The following MAST2 variants were observed in gnomAD, a reference collection of about 807,000 sequenced individuals.
MAST2 encodes the protein microtubule-associated serine/threonine-protein kinase 2.
A neutral mutation model predicts 147.4 loss-of-function variants in MAST2; 70 were observed. The observed-to-expected ratio is 0.47, with a 90% CI of 0.39 to 0.58. The LOEUF is 0.58. MAST2 is among the 20% of genes least tolerant of loss of function. MAST2 has a pLI of 0.00. For synonymous variants in MAST2, 869 were observed against 896.8 expected (o/e 0.97, Z 0.55); for missense variants, 2,080 against 2,302.3 (o/e 0.90, Z 1.98).
At chr1:46,027,651 G>C in intron 16 of MAST2, 80 bp from the exon 17 acceptor site, 4 of 1,479,560 alleles carry the variant, frequency 2.7e-6, no homozygotes, top group Non-Finnish European at 3.7e-6. Context: ...AGCCTGAGTG[G>C]GGAAACTGGG....
chr1:45,807,788 C>T (rs1005023300), intron 1 of MAST2, among the ~76,000 whole-genome samples: 7 of 152,126 alleles, frequency 4.6e-5, no homozygotes, highest in Non-Finnish European at 1.0e-4. Flanking sequence ...GTGATCCACC[C>T]ACCTCGGCCT....
chr1:46,024,048 C>A, intron 15 of MAST2, 68 bp downstream of exon 15: 1 of 1,486,940 alleles, frequency 6.7e-7, no homozygotes, highest in East Asian at 2.3e-5. Context: ...TAAACAGGGA[C>A]CAGCAGCTTT....
At chr1:45,980,316 A>T (rs1037937523) in intron 5 of MAST2, among the ~76,000 whole-genome samples, 2 of 150,406 alleles carry the variant, frequency 1.3e-5, no homozygotes, top group Non-Finnish European at 3.0e-5. Flanking sequence ...AAGATTGGAG[A>T]CTACTTAGAG....
Position 46,032,415 on chromosome 1 carries a change from C to T in MAST2, c.3414+11C>T. On this transcript the variant is annotated intron_variant, in intron 25 of 28. Coordinates refer to ENST00000361297, the MANE Select transcript of MAST2 (RefSeq NM_015112.3). ...CACCATATGGTGTGGGTATGTCTGA[C>T]CATCCAGACCTGCTGTCTCCCTGCT... 1 of 1,612,742 alleles carries T rather than the reference C, an allele frequency of 6.2e-7. No homozygotes were observed. Among genetic ancestry groups the T allele is most frequent in the South Asian group, 1.1e-5 (1 of 91,054 alleles).
chr1:45,986,965 T>C (rs1571080755), intron 5 of MAST2, among the ~76,000 whole-genome samples: 1 of 152,174 alleles, frequency 6.6e-6, no homozygotes, highest in East Asian at 1.9e-4. Context: ...TTCTGTCTTA[T>C]ATGTTTGGCA....
At position 46,031,526 on chromosome 1, in the gene MAST2, C is replaced by T; in HGVS notation, c.3128C>T (p.Pro1043Leu). Residue 1043 changes from proline (P) to leucine (L), a missense_variant, in exon 24 of 29, where the codon CCT becomes CTT. Around this residue, in one of 4 missense-constraint regions of MAST2, gnomAD observed 1,278 missense variants for 1,304.2 expected, o/e 0.98. Transcript: ENST00000361297. The surrounding 1 kb of genome is among the most constrained non-coding windows in gnomAD (Gnocchi z 4.1). ...TCAACAGAGAAGCGCACTGCTCGCCCTGTCAACAAAGTGATCAAGTCCGCC... is the reference window on the plus strand; with the variant it reads ...TCAACAGAGAAGCGCACTGCTCGCCTTGTCAACAAAGTGATCAAGTCCGCC... ...GDSTEKRTARPVNKVIKSASA... is the reference protein window; with the variant it reads ...GDSTEKRTARLVNKVIKSASA... 1 of 1,614,202 alleles carries T rather than the reference C, an allele frequency of 6.2e-7. No homozygotes were observed. Among genetic ancestry groups the T allele is most frequent in the Non-Finnish European group, 8.5e-7 (1 of 1,180,014 alleles).
intron 1 of MAST2, among the ~76,000 whole-genome samples, chr1:45,813,495 AATT>A (rs1404561233): frequency 7.9e-6 from 1 of 126,522 alleles, no homozygotes; most frequent in African/African-American, 3.2e-5. Context: ...ACGCCTGGCC[AATT>A]TTTTTTTTTT....
intron 1 of MAST2, among the ~76,000 whole-genome samples, chr1:45,817,036 G>A (rs1486177385): frequency 2.6e-5 from 4 of 152,032 alleles, no homozygotes; most frequent in Non-Finnish European, 5.9e-5. Flanking sequence ...AGCCAGAGGA[G>A]ACAAAAGAAG....
chr1:45,899,442 T>G (rs1425708206), intron 4 of MAST2, among the ~76,000 whole-genome samples: 1 of 151,930 alleles, frequency 6.6e-6, no homozygotes, highest in Non-Finnish European at 1.5e-5. Flanking sequence ...ATAGGTAGTT[T>G]TTCTATGCTT....
At chr1:45,821,734 G>T (rs1390962868) in intron 1 of MAST2, among the ~76,000 whole-genome samples, 1 of 151,514 alleles carries the variant, frequency 6.6e-6, no homozygotes, top group Admixed American at 6.6e-5. Flanking sequence ...GGCCAGGCTG[G>T]TCTCAAACTC....
At chr1:45,914,009 C>A in intron 4 of MAST2, 3 of 504,258 alleles carry the variant, frequency 5.9e-6, no homozygotes, top group Non-Finnish European at 7.9e-6. Flanking sequence ...GCTGAGCTGG[C>A]TTGATTAATT....
intron 3 of MAST2, among the ~76,000 whole-genome samples, chr1:45,868,112 G>A (rs972272482): frequency 2.0e-5 from 3 of 152,232 alleles, no homozygotes; most frequent in Non-Finnish European, 4.4e-5. Context: ...CTCTGTCGGT[G>A]TAGGAATTGA....
rs531025957 is a variant in MAST2, at chr1:45,940,560, G to A, written c.501-18826G>A. On this transcript the variant is annotated intron_variant, in intron 4 of 28. Coordinates refer to ENST00000361297, the MANE Select transcript of MAST2 (RefSeq NM_015112.3). Reference sequence around the variant, plus strand: ...TTTGGGAAAACAGAAATGTAATTTCGGGCATACAAACAGAGTAGAGTAGTC... The same window carrying A: ...TTTGGGAAAACAGAAATGTAATTTCAGGCATACAAACAGAGTAGAGTAGTC... Among the ~76,000 whole-genome samples the A allele has an allele frequency of 5.3e-5, 8 of 151,634 alleles. No individual in the cohort carries two copies. In the East Asian group the frequency reaches 9.7e-4, roughly 18 times the overall value.
chr1:45,879,088 TG>T (rs1204467970), intron 3 of MAST2, among the ~76,000 whole-genome samples: 2 of 151,900 alleles, frequency 1.3e-5, no homozygotes, highest in African/African-American at 4.8e-5. Flanking sequence ...CATGATAGTG[TG>T]GTGCTTGCAT....
intron 9 of MAST2, 107 bp downstream of exon 9, chr1:46,008,478 G>C (rs1253268590): frequency 2.8e-6 from 2 of 718,058 alleles, no homozygotes; most frequent in East Asian, 2.6e-5. Flanking sequence ...TACCTCCAGA[G>C]ATAACCAAGA....
chr1:45,978,132 G>T (rs1196941216), intron 5 of MAST2, among the ~76,000 whole-genome samples: 1 of 152,146 alleles, frequency 6.6e-6, no homozygotes, highest in African/African-American at 2.4e-5. Flanking sequence ...TTGAAAAATG[G>T]CCAAGGGACT....
At chr1:45,922,115 C>G (rs887467706) in intron 4 of MAST2, among the ~76,000 whole-genome samples, 1 of 152,210 alleles carries the variant, frequency 6.6e-6, no homozygotes, top group Non-Finnish European at 1.5e-5. Context: ...CATTATCTCC[C>G]TATGGTCCCT....
rs1646824825 is a variant in MAST2, at chr1:46,034,655, A to G, written c.3986A>G (p.Gln1329Arg). The G allele has an allele frequency of 6.2e-7, 1 of 1,614,096 alleles. No homozygotes were observed. Among genetic ancestry groups the G allele is most frequent in the African/African-American group, 1.3e-5 (1 of 75,010 alleles). Reference sequence around the variant, plus strand: ...GGTCTGGCACCCAAGCTCCAACGCCAGTACCGCTCTCCACGGCGCAAGTCA... The same window carrying G: ...GGTCTGGCACCCAAGCTCCAACGCCGGTACCGCTCTCCACGGCGCAAGTCA... ...LHGLAPKLQR[Q>R]YRSPRRKSAG... Residue 1329 changes from glutamine to arginine, a missense_variant, in exon 29 of 29, where the codon CAG (glutamine) becomes CGG (arginine). Gln to Arg is a conservative substitution (Grantham distance 43). Transcript: ENST00000361297.
At chr1:45,987,776 G>GTTTTTTTTTTTT (rs1644692974) in intron 5 of MAST2, among the ~76,000 whole-genome samples, 7 of 30,706 alleles carry the variant, frequency 2.3e-4, no homozygotes, top group East Asian at 8.2e-4. Flanking sequence ...TTTTTTTTTT[G>GTTTTTTTTTTTT]ATTTTTTTTT....
Sources: allele counts gnomAD v4.1 joint callset (sites outside exome capture counted in the v4.1 genomes callset), GRCh38; gene constraint gnomAD v4.1.1; regional missense constraint gnomAD v4.1.1; non-coding constraint Gnocchi (gnomAD v3.1); transcripts MANE v1.5; gene names NCBI Gene and HGNC (gene_info 2026-07-23, HGNC 2026-07-21).